Variants in LRRC8D observed in about 807,000 individuals in gnomAD.
LRRC8D encodes the protein leucine rich repeat containing 8 VRAC subunit D.
Under a neutral mutation model 55.8 loss-of-function variants are expected in LRRC8D, and 20 were observed. That is an observed-to-expected ratio of 0.36 (90% CI 0.25 to 0.52). The LOEUF is 0.52. Among genes scored for constraint, LRRC8D ranks in the 20% least tolerant of loss-of-function variants. LRRC8D has a pLI of 0.93. For synonymous variants in LRRC8D, 352 were observed against 377.0 expected (o/e 0.93, Z 0.77); for missense variants, 651 against 1,030.8 (o/e 0.63, Z 5.05).
At chr1:89,885,213 C>T (rs577260273) in intron 2 of LRRC8D, among the ~76,000 whole-genome samples, 3 of 152,164 alleles carry the variant, frequency 2.0e-5, no homozygotes, top group East Asian at 1.9e-4. Context: ...CTACTCAGTA[C>T]GAATTTTTGG....
chr1:89,841,959 T>A (rs10754293), intron 1 of LRRC8D, among the ~76,000 whole-genome samples: 68,839 of 151,540 alleles, frequency 0.45, 16,990 homozygotes, highest in East Asian at 0.97. Flanking sequence ...ACGCCTGTAA[T>A]CCCAGCACTT....
intron 1 of LRRC8D, among the ~76,000 whole-genome samples, chr1:89,829,382 T>A (rs1326005716): frequency 2.0e-5 from 3 of 152,192 alleles, no homozygotes; most frequent in African/African-American, 7.2e-5. Flanking sequence ...ACGGATGAGG[T>A]CATAAGGCTG....
rs371937114 is a variant in LRRC8D, at chr1:89,913,102, G to T, written c.-2-19965G>T. Among the ~76,000 whole-genome samples the T allele has an allele frequency of 7.2e-5, 11 of 152,370 alleles. No individual in the cohort carries two copies. In the East Asian group the frequency reaches 2.1e-3, roughly 29 times the overall value. The stretch of plus-strand genomic sequence containing the variant: ...CCATTTCTAGCCCGCAGGAAAAAAG[G>T]AAAAGGAAGGCCAAGTCAAGTAGCC... On this transcript the variant is annotated intron_variant, in intron 2 of 2. Coordinates refer to ENST00000337338, the MANE Select transcript of LRRC8D (RefSeq NM_001134479.2).
Position 89,906,365 on chromosome 1 carries a change from G to A in LRRC8D, c.-2-26702G>A, listed in dbSNP as rs190492933. Among the ~76,000 whole-genome samples, 16 of 152,270 alleles carry A rather than the reference G, an allele frequency of 1.1e-4. No homozygotes were observed. The East Asian group carries it at 1.4e-3, about 13-fold the overall frequency. On this transcript the variant is annotated intron_variant, in intron 2 of 2. Coordinates refer to ENST00000337338, the MANE Select transcript of LRRC8D (RefSeq NM_001134479.2). Reference sequence around the variant, plus strand: ...GAAGCTCGAGCATCGCTGTAGAGCCGCTATCATCACTGAAGGGAATTCATC... The same window carrying A: ...GAAGCTCGAGCATCGCTGTAGAGCCACTATCATCACTGAAGGGAATTCATC...
chr1:89,920,519 T>C (rs1663385281), intron 2 of LRRC8D, among the ~76,000 whole-genome samples: 1 of 152,054 alleles, frequency 6.6e-6, no homozygotes, highest in African/African-American at 2.4e-5. Flanking sequence ...CAAAATAGCA[T>C]TAGAAAGGAG....
chr1:89,863,195 A>G (rs913021138), intron 2 of LRRC8D, among the ~76,000 whole-genome samples: 3 of 152,162 alleles, frequency 2.0e-5, no homozygotes, highest in Non-Finnish European at 4.4e-5. Context: ...CCTGCCTTAT[A>G]TAGTTGTTAT....
intron 2 of LRRC8D, among the ~76,000 whole-genome samples, chr1:89,905,313 A>G (rs775507224): frequency 6.6e-6 from 1 of 152,234 alleles, no homozygotes; most frequent in Non-Finnish European, 1.5e-5. Context: ...AAGAATTCAC[A>G]CAGAAATTGG....
intron 2 of LRRC8D, among the ~76,000 whole-genome samples, chr1:89,858,208 G>A (rs72716323): frequency 0.1 from 15,454 of 152,312 alleles, 1,052 homozygotes; most frequent in South Asian, 0.21. Flanking sequence ...TCCAGCCTGA[G>A]CGACAAGAGT....
In LRRC8D at chr1:89,843,668, G is replaced by A. The variant is rs1314019336; in HGVS notation, c.-117G>A. Reference sequence around the variant, plus strand: ...GCACGGCTGTCTATAACGTGCTGCCGGGTCTCAGGATGGAGGAGTGAAGTC... The same window carrying A: ...GCACGGCTGTCTATAACGTGCTGCCAGGTCTCAGGATGGAGGAGTGAAGTC... On this transcript the variant is annotated 5_prime_UTR_variant, in exon 2 of 3. Transcript: ENST00000337338. The A allele has an allele frequency of 1.4e-6, 1 of 702,340 alleles. No homozygotes were observed. The allele number at this position is 702,340 out of a possible 1,614,324, so 43.5% of individuals were successfully genotyped here.
At chr1:89,902,783 C>T (rs1030917876) in intron 2 of LRRC8D, among the ~76,000 whole-genome samples, 2 of 152,160 alleles carry the variant, frequency 1.3e-5, no homozygotes, top group Non-Finnish European at 2.9e-5. Flanking sequence ...CTCAGCCTCC[C>T]AAAGTGCTGG....
At chr1:89,861,057 G>A (rs903167373) in intron 2 of LRRC8D, among the ~76,000 whole-genome samples, 6 of 151,942 alleles carry the variant, frequency 3.9e-5, no homozygotes, top group African/African-American at 1.2e-4. Context: ...GCTGTCCAGG[G>A]CCTTAGCATC....
At chr1:89,885,206 C>T (rs1662388180) in intron 2 of LRRC8D, among the ~76,000 whole-genome samples, 1 of 152,196 alleles carries the variant, frequency 6.6e-6, no homozygotes, top group Non-Finnish European at 1.5e-5. Context: ...CTTATGACTA[C>T]TCAGTACGAA....
At chr1:89,884,398 C>T (rs1256034154) in intron 2 of LRRC8D, among the ~76,000 whole-genome samples, 1 of 152,232 alleles carries the variant, frequency 6.6e-6, no homozygotes, top group Non-Finnish European at 1.5e-5. Flanking sequence ...GGAGCTCCCA[C>T]TTGCCATATA....
rs1397675663 is a variant in LRRC8D at position 89,936,221 on chromosome 1, T to C, written c.*576T>C. 6.0e-6 allele frequency: 1 copy of C among 167,286 alleles called. No homozygotes were observed. The highest frequency in any genetic ancestry group is 1.5e-5 in the Non-Finnish European group (1 of 68,258). The allele number at this position is 167,286 out of a possible 1,614,324, so 10.4% of individuals were successfully genotyped here. ...TGAGCACCTCGTGTCATAGATTTTA[T>C]ACTCTTACAGACTTGGAATGCAGTA... On this transcript the variant is annotated 3_prime_UTR_variant, in exon 3 of 3. Transcript: ENST00000337338.
At chr1:89,829,639 T>C (rs966041134) in intron 1 of LRRC8D, among the ~76,000 whole-genome samples, 1 of 152,254 alleles carries the variant, frequency 6.6e-6, no homozygotes, top group Non-Finnish European at 1.5e-5. Flanking sequence ...TAAAGGTACC[T>C]GATAACTCCT....
chr1:89,926,432 G>A lies in LRRC8D; in HGVS notation c.-2-6635G>A, dbSNP rs563888997. ...CATTCCCCTCCATGGTGCTTGGCAC[G>A]GGGCTGGTAGCTTTCTTGAATTCCT... On this transcript the variant is annotated intron_variant, in intron 2 of 2. Coordinates refer to ENST00000337338, the MANE Select transcript of LRRC8D (RefSeq NM_001134479.2). Among the ~76,000 whole-genome samples, 15 of 152,336 alleles carry A rather than the reference G, an allele frequency of 9.8e-5. 1 individual carries two copies. The highest frequency in any genetic ancestry group is 5.9e-4 in the Admixed American group (9 of 15,306).
rs1209162078 is a variant in LRRC8D at position 89,835,408 on chromosome 1, TA to T, written c.-147-8227del. Among the ~76,000 whole-genome samples, 3 of 152,352 alleles carry T rather than the reference TA, an allele frequency of 2.0e-5. No homozygotes were observed. The East Asian group carries it at 5.8e-4, about 29-fold the overall frequency. On this transcript the variant is annotated intron_variant, in intron 1 of 2. Transcript: ENST00000337338. Reference sequence around the variant, plus strand: ...TTTGCTTTTTGTCCTCTGTAAGTATTAAACAGTAATCTCTCAGAGCATTGTC... The same window carrying T: ...TTTGCTTTTTGTCCTCTGTAAGTATTAACAGTAATCTCTCAGAGCATTGTC...
intron 1 of LRRC8D, among the ~76,000 whole-genome samples, chr1:89,830,107 G>C (rs1175912828): frequency 3.9e-5 from 6 of 152,104 alleles, no homozygotes; most frequent in Non-Finnish European, 2.9e-5. Flanking sequence ...AAATATCCAT[G>C]TATCTACATC....
chr1:89,867,712 C>A (rs1325004100), intron 2 of LRRC8D, among the ~76,000 whole-genome samples: 1 of 152,194 alleles, frequency 6.6e-6, no homozygotes, highest in Admixed American at 6.5e-5. Context: ...GTGGCTGCAC[C>A]ATTTTGCATT....
Sources: allele counts gnomAD v4.1 joint callset (sites outside exome capture counted in the v4.1 genomes callset), GRCh38; gene constraint gnomAD v4.1.1; transcripts MANE v1.5; gene names NCBI Gene and HGNC (gene_info 2026-07-23, HGNC 2026-07-21).